Variants in MAP2K4 observed in about 807,000 individuals in gnomAD.
The protein encoded by MAP2K4 is dual specificity mitogen-activated protein kinase kinase 4.
Under a neutral mutation model 48.5 loss-of-function variants are expected in MAP2K4, and 4 were observed. That is an observed-to-expected ratio of 0.08 (90% CI 0.04 to 0.19). The LOEUF is 0.19. Ranked by LOEUF, MAP2K4 falls within the 10% of genes least tolerant of loss-of-function variation. The probability of loss-of-function intolerance (pLI) is 1.00; values close to 1 mark genes in which losing one functional copy is unlikely to be tolerated. For missense variants in MAP2K4, 258 were observed against 493.3 expected (o/e 0.52, Z 4.52); for synonymous variants, 166 against 173.1 (o/e 0.96, Z 0.32).
intron 7 of MAP2K4, 130 bp downstream of exon 7, chr17:12,113,490 A>G: frequency 9.1e-7 from 1 of 1,100,266 alleles, no homozygotes; most frequent in Non-Finnish European, 1.3e-6. Context: ...CTAAGGCCCA[A>G]GCTCAGGTCC....
intron 2 of MAP2K4, among the ~76,000 whole-genome samples, chr17:12,055,345 G>A (rs1357664147): frequency 6.6e-6 from 1 of 152,072 alleles, no homozygotes; most frequent in Non-Finnish European, 1.5e-5. Flanking sequence ...TTAAACAATA[G>A]AAATGATATT....
chr17:12,088,404 G>A (rs913719930), intron 3 of MAP2K4, among the ~76,000 whole-genome samples: 10 of 139,520 alleles, frequency 7.2e-5, no homozygotes, highest in Non-Finnish European at 1.2e-4. Flanking sequence ...CAACTGTGTT[G>A]TAATATTATA....
At chr17:12,067,778 A>G (rs1970664153) in intron 2 of MAP2K4, among the ~76,000 whole-genome samples, 1 of 152,234 alleles carries the variant, frequency 6.6e-6, no homozygotes, top group Non-Finnish European at 1.5e-5. Flanking sequence ...AATGTCTGCC[A>G]TCTGCTAGTT....
At chr17:12,067,166 G>T (rs77111018) in intron 2 of MAP2K4, among the ~76,000 whole-genome samples, 1 of 152,160 alleles carries the variant, frequency 6.6e-6, no homozygotes, top group African/African-American at 2.4e-5. Context: ...CATTGTATAG[G>T]TGTATTATAT....
chr17:12,115,636 G>A lies in MAP2K4; in HGVS notation c.813+2276G>A, dbSNP rs1304408600. ...AGAGGCTATAGAAAGCACAATTGGT[G>A]GTTAACGCTTATTAACACAGCAAAG... On this transcript the variant is annotated intron_variant, in intron 7 of 10. Transcript: ENST00000353533. The A allele has an allele frequency of 2.9e-5, 22 of 747,718 alleles. No individual in the cohort carries two copies. The Admixed American group carries it at 3.7e-4, about 13-fold the overall frequency. 46.3% of individuals were successfully genotyped at this position (747,718 alleles called of 1,614,324 possible). A position where few individuals can be genotyped will look rare whatever the true frequency, so the allele number is the denominator to read the frequency against.
At chr17:12,054,281 C>CT (rs982714997) in intron 1 of MAP2K4, among the ~76,000 whole-genome samples, 6 of 151,950 alleles carry the variant, frequency 3.9e-5, no homozygotes, top group African/African-American at 9.7e-5. Context: ...TATATTTGAT[C>CT]TTTTTTTGCA....
chr17:12,030,657 A>T (rs8082185), intron 1 of MAP2K4, among the ~76,000 whole-genome samples: 99,786 of 151,976 alleles, frequency 0.66, 34,431 homozygotes, highest in East Asian at 0.81. Context: ...AACTTTTTTT[A>T]ACACAACCTT....
chr17:12,072,990 G>A (rs557956368), intron 2 of MAP2K4, among the ~76,000 whole-genome samples: 2 of 152,236 alleles, frequency 1.3e-5, no homozygotes, highest in South Asian at 4.2e-4. Context: ...TTCTGACTTT[G>A]TAAAAGCAAT....
rs1973438459 is a variant in MAP2K4 at position 12,143,420 on chromosome 17, G to C, written c.*2160G>C. On this transcript the variant is annotated 3_prime_UTR_variant, in exon 11 of 11. Coordinates refer to ENST00000353533, the MANE Select transcript of MAP2K4 (RefSeq NM_003010.4). ...CAATGTATCTTTATTAAAACAAAAGGGTGTATAGTGTTCACAAACTGTGAA... is the reference window on the plus strand; with the variant it reads ...CAATGTATCTTTATTAAAACAAAAGCGTGTATAGTGTTCACAAACTGTGAA... 4.3e-6 allele frequency: 1 copy of C among 232,570 alleles called. No individual in the cohort carries two copies. The highest frequency in any genetic ancestry group is 1.3e-3 in the Middle Eastern group (1 of 784). The allele number at this position is 232,570 out of a possible 1,614,324, so 14.4% of individuals were successfully genotyped here. A position where few individuals can be genotyped will look rare whatever the true frequency, so the allele number is the denominator to read the frequency against.
intron 2 of MAP2K4, among the ~76,000 whole-genome samples, chr17:12,056,026 A>C (rs1712935320): frequency 6.6e-6 from 1 of 152,074 alleles, no homozygotes; most frequent in Non-Finnish European, 1.5e-5. Flanking sequence ...TATCTTGAGG[A>C]AGGAAACTTA....
At chr17:12,023,784 T>C (rs771690263) in intron 1 of MAP2K4, among the ~76,000 whole-genome samples, 2 of 152,164 alleles carry the variant, frequency 1.3e-5, no homozygotes, top group Admixed American at 6.5e-5. Flanking sequence ...GATTCAGATA[T>C]GCGTTTTGTG....
At chr17:12,072,822 G>A (rs1405660811) in intron 2 of MAP2K4, among the ~76,000 whole-genome samples, 1 of 152,138 alleles carries the variant, frequency 6.6e-6, no homozygotes, top group African/African-American at 2.4e-5. Context: ...TCATCGACAT[G>A]TTTAAATAAG....
At chr17:12,088,997 C>T (rs200990933) in intron 3 of MAP2K4, among the ~76,000 whole-genome samples, 8 of 151,608 alleles carry the variant, frequency 5.3e-5, no homozygotes, top group African/African-American at 1.5e-4. Context: ...CTGCAAGCTC[C>T]GCCTCCCGGG....
intron 8 of MAP2K4, among the ~76,000 whole-genome samples, chr17:12,127,890 T>TTTAGGGAGGAAACGGAA (rs1322622989): frequency 6.6e-6 from 1 of 152,196 alleles, no homozygotes; most frequent in Non-Finnish European, 1.5e-5. Context: ...AGAGGCATCC[T>TTTAGGGAGGAAACGGAA]TTAGGGAGGA....
intron 7 of MAP2K4, among the ~76,000 whole-genome samples, chr17:12,113,610 G>A (rs995739904): frequency 6.6e-6 from 1 of 152,088 alleles, no homozygotes; most frequent in African/African-American, 2.4e-5. Flanking sequence ...TCTGATTATT[G>A]TTTTTTCATT....
In MAP2K4 at chr17:12,064,021, G is replaced by GGAGA. The variant is rs34670472; in HGVS notation, c.218+9049_218+9052dup. ...CAGGGAGGAGGAGAGGGGAAGGGGG[G>GGAGA]GAGAGAGAGAGAGAGAGAGAGAAAG... On this transcript the variant is annotated intron_variant, in intron 2 of 10. Transcript: ENST00000353533. Among the ~76,000 whole-genome samples the GGAGA allele has an allele frequency of 4.6e-3, 434 of 93,576 alleles. 5 individuals are homozygous for GGAGA. The highest frequency in any genetic ancestry group is 5.9e-3 in the Non-Finnish European group (285 of 48,688). The allele number at this position is 93,576 out of a possible 152,430, so 61.4% of individuals were successfully genotyped here.
rs142310562 is a variant in MAP2K4, at chr17:12,135,746, T to C, written c.1041-4093T>C. On this transcript the variant is annotated intron_variant, in intron 9 of 10. Coordinates refer to ENST00000353533, the MANE Select transcript of MAP2K4 (RefSeq NM_003010.4). The stretch of plus-strand genomic sequence containing the variant: ...TGTATTTTTAGTACAGACAGGGTTT[T>C]GCCACGTTGGCCAGGCTAGTCTCGA... Among the ~76,000 whole-genome samples the C allele has an allele frequency of 6.5e-3, 989 of 152,124 alleles. 3 individuals are homozygous for C. Among genetic ancestry groups the C allele is most frequent in the East Asian group, 0.036 (185 of 5,128 alleles).
chr17:12,116,754 C>G (rs1972510418), intron 7 of MAP2K4, among the ~76,000 whole-genome samples: 1 of 152,206 alleles, frequency 6.6e-6, no homozygotes, highest in Non-Finnish European at 1.5e-5. Context: ...AGGGAGCTGT[C>G]ATCTCCTATG....
Position 12,077,398 on chromosome 17 carries a change from T to C in MAP2K4, c.219-3958T>C, listed in dbSNP as rs1971047447. Among the ~76,000 whole-genome samples the C allele has an allele frequency of 3.9e-5, 6 of 152,222 alleles. No individual in the cohort carries two copies. In the South Asian group the frequency reaches 1.2e-3, roughly 32 times the overall value. ...GGGCTGTATTAATTAAAATTAAGTTTGTTTGCATCTAAACAACAACAAGGA... is the reference window on the plus strand; with the variant it reads ...GGGCTGTATTAATTAAAATTAAGTTCGTTTGCATCTAAACAACAACAAGGA... On this transcript the variant is annotated intron_variant, in intron 2 of 10. Transcript: ENST00000353533.
Sources: allele counts gnomAD v4.1 joint callset (sites outside exome capture counted in the v4.1 genomes callset), GRCh38; gene constraint gnomAD v4.1.1; transcripts MANE v1.5; gene names NCBI Gene and HGNC (gene_info 2026-07-23, HGNC 2026-07-21).